CNTNAP5: variants seen among roughly 807,000 people sequenced by gnomAD.
CNTNAP5 encodes the protein contactin-associated protein-like 5.
Under a neutral mutation model 150.2 loss-of-function variants are expected in CNTNAP5, and 72 were observed. The observed-to-expected ratio is 0.48, with a 90% CI of 0.40 to 0.58. The LOEUF is 0.58. Ranked by LOEUF, CNTNAP5 falls within the 20% of genes least tolerant of loss-of-function variation. The probability of loss-of-function intolerance (pLI) is 0.00; values close to 1 mark genes in which losing one functional copy is unlikely to be tolerated. For missense variants in CNTNAP5, 1,636 were observed against 1,626.2 expected, an observed-to-expected ratio of 1.01 and a Z score of -0.10; for synonymous variants, 672 against 619.8, an observed-to-expected ratio of 1.08 and a Z score of -1.25.
chr2:124,246,247 C>T (rs185920905), intron 3 of CNTNAP5, among the ~76,000 whole-genome samples: 59 of 152,228 alleles, frequency 3.9e-4, no homozygotes, highest in African/African-American at 1.4e-3. Context: ...TAAAAGGATA[C>T]CTTTGCAATG....
intron 3 of CNTNAP5, among the ~76,000 whole-genome samples, chr2:124,398,033 T>C (rs1398732230): frequency 6.6e-6 from 1 of 152,242 alleles, no homozygotes; most frequent in Non-Finnish European, 1.5e-5. Flanking sequence ...AGCAGAAATT[T>C]CCTTTAGTGC....
At chr2:124,245,784 C>T (rs1359961177) in intron 3 of CNTNAP5, among the ~76,000 whole-genome samples, 4 of 151,834 alleles carry the variant, frequency 2.6e-5, no homozygotes, top group Admixed American at 6.6e-5. Flanking sequence ...GGCTGGAGTG[C>T]GGTGGCACTT....
intron 3 of CNTNAP5, among the ~76,000 whole-genome samples, chr2:124,262,133 T>C (rs944828313): frequency 1.3e-5 from 2 of 151,970 alleles, no homozygotes; most frequent in African/African-American, 4.8e-5. Context: ...TAGTCTGAGC[T>C]ACTCTGGAGG....
intron 1 of CNTNAP5, among the ~76,000 whole-genome samples, chr2:124,153,536 C>T (rs544020547): frequency 2.0e-5 from 3 of 150,028 alleles, no homozygotes; most frequent in East Asian, 2.0e-4. Context: ...GCCTGCTTCT[C>T]GGTTCATAGA....
intron 13 of CNTNAP5, among the ~76,000 whole-genome samples, chr2:124,670,549 T>G (rs111412753): frequency 1.3e-5 from 2 of 152,218 alleles, no homozygotes; most frequent in African/African-American, 4.8e-5. Context: ...GATGTAAAGT[T>G]TCTAATTTTG....
intron 12 of CNTNAP5, among the ~76,000 whole-genome samples, chr2:124,620,486 C>T (rs1245743407): frequency 6.6e-6 from 1 of 152,074 alleles, no homozygotes; most frequent in Non-Finnish European, 1.5e-5. Context: ...TTCCTTCAAA[C>T]ATAGAAATGA....
chr2:124,874,313 T>G lies in CNTNAP5; in HGVS notation c.3436+4551T>G, dbSNP rs528230302. ...GCACATATTTAGGGAAGTAATCCAT[T>G]TGGAAGAGATAATGTTTCTGGAAAC... On this transcript the variant is annotated intron_variant, in intron 21 of 23. Coordinates refer to ENST00000682447, the MANE Select transcript of CNTNAP5 (RefSeq NM_001367498.1). Among the ~76,000 whole-genome samples, 4 of 152,166 alleles carry G rather than the reference T, an allele frequency of 2.6e-5. 1 individual carries two copies. The highest frequency in any genetic ancestry group is 9.6e-5 in the African/African-American group (4 of 41,544).
chr2:124,166,404 T>C (rs1024445538), intron 1 of CNTNAP5, among the ~76,000 whole-genome samples: 1 of 152,166 alleles, frequency 6.6e-6, no homozygotes, highest in African/African-American at 2.4e-5. Context: ...CTTAAGTACA[T>C]TGAGATTTAA....
rs533393132 is a variant in CNTNAP5 at position 124,735,557 on chromosome 2, G to A, written c.2078-11672G>A. 1.1e-3 allele frequency among the ~76,000 whole-genome samples: 163 copies of A among 152,146 alleles called. 2 individuals are homozygous for A. Among genetic ancestry groups the A allele is most frequent in the African/African-American group, 3.8e-3 (157 of 41,528 alleles). ...GAGGATACATACTCAATAATGATCTGTAGTTTTACCAATGTAATGATTATT... is the reference window on the plus strand; with the variant it reads ...GAGGATACATACTCAATAATGATCTATAGTTTTACCAATGTAATGATTATT... On this transcript the variant is annotated intron_variant, in intron 13 of 23. Transcript: ENST00000682447.
chr2:124,324,030 G>T (rs1689160461), intron 3 of CNTNAP5, among the ~76,000 whole-genome samples: 1 of 152,074 alleles, frequency 6.6e-6, no homozygotes, highest in Non-Finnish European at 1.5e-5. Context: ...GAAAAAAAGA[G>T]CCAAAAATAC....
At position 124,706,916 on chromosome 2, in the gene CNTNAP5, G is replaced by GAGAAGAAGAAGAAGA. The variant is rs796272013; in HGVS notation, c.2078-40301_2078-40287dup. On this transcript the variant is annotated intron_variant, in intron 13 of 23. Transcript: ENST00000682447. ...GAGGAAGAAGAAGGAGGAGGAGGAG[G>GAGAAGAAGAAGAAGA]AGAAGAAGAAGAAGAAGAAGAAGAA... Among the ~76,000 whole-genome samples the GAGAAGAAGAAGAAGA allele has an allele frequency of 3.7e-4, 11 of 30,028 alleles. 1 individual carries two copies. Among genetic ancestry groups the GAGAAGAAGAAGAAGA allele is most frequent in the African/African-American group, 1.4e-3 (11 of 7,694 alleles). 19.7% of individuals were successfully genotyped at this position (30,028 alleles called of 152,430 possible).
At position 124,798,296 on chromosome 2, in the gene CNTNAP5, G is replaced by A. The variant is rs778075383; in HGVS notation, c.3193G>A (p.Val1065Met). Residue 1065 changes from valine (V) to methionine (M), a missense_variant, in exon 19 of 24, where the codon GTG becomes ATG. Physicochemically the swap from Val to Met is conservative, Grantham distance 21 (BLOSUM62 1). Transcript: ENST00000682447. ...LFINSSSQDF[V>M]VVLLCKNGSL... ...TATCAATTCTTCTTCTCAGGACTTCGTGGTTGTTCTGCTCTGCAAGAATGG... is the reference window on the plus strand; with the variant it reads ...TATCAATTCTTCTTCTCAGGACTTCATGGTTGTTCTGCTCTGCAAGAATGG... 2.6e-5 allele frequency: 42 copies of A among 1,613,226 alleles called. No homozygotes were observed. The Middle Eastern group carries it at 1.3e-3, about 51-fold the overall frequency.
chr2:124,524,236 T>G, intron 8 of CNTNAP5, 67 bp from the exon 9 acceptor site: 2 of 1,541,796 alleles, frequency 1.3e-6, no homozygotes, highest in Non-Finnish European at 1.8e-6. Context: ...GGCTGGGAAA[T>G]GAGCCCCCTC....
chr2:124,466,220 G>A (rs79042706), intron 6 of CNTNAP5, among the ~76,000 whole-genome samples: 19,945 of 151,862 alleles, frequency 0.13, 1,660 homozygotes, highest in Non-Finnish European at 0.19. Context: ...AAATCCTTCA[G>A]CAGAATAGTG....
intron 1 of CNTNAP5, among the ~76,000 whole-genome samples, chr2:124,130,219 G>C (rs1683812617): frequency 6.6e-6 from 1 of 151,946 alleles, no homozygotes. Context: ...CTTTGTTTTA[G>C]TGTTTAATTT....
At chr2:124,343,208 T>C (rs1174242381) in intron 3 of CNTNAP5, among the ~76,000 whole-genome samples, 2 of 152,164 alleles carry the variant, frequency 1.3e-5, no homozygotes, top group African/African-American at 4.8e-5. Flanking sequence ...ATACAATAAT[T>C]AAATGTAATA....
intron 13 of CNTNAP5, among the ~76,000 whole-genome samples, chr2:124,743,006 A>G (rs937461985): frequency 6.6e-6 from 1 of 152,196 alleles, no homozygotes; most frequent in Non-Finnish European, 1.5e-5. Context: ...AGCACAGTGC[A>G]TAACGCAGAC....
Position 124,865,325 on chromosome 2 carries a change from T to C in CNTNAP5, c.3237T>C (p.Tyr1079=). 2 of 1,564,148 alleles carry C rather than the reference T, an allele frequency of 1.3e-6. No individual in the cohort carries two copies. The highest frequency in any genetic ancestry group is 1.7e-6 in the Non-Finnish European group (2 of 1,152,866). The part of the protein sequence containing the change: ...LCKNGSLQVR[Y]HLNKEETHVF... Reference sequence around the variant, plus strand: ...TTCAAGGAAGCTTACAGGTTCGCTATCACCTAAACAAGGAAGAAACCCATG... The same window carrying C: ...TTCAAGGAAGCTTACAGGTTCGCTACCACCTAAACAAGGAAGAAACCCATG... Residue 1079 remains tyrosine (Y), a synonymous_variant, in exon 20 of 24, where the codon TAT becomes TAC. Transcript: ENST00000682447.
intron 21 of CNTNAP5, among the ~76,000 whole-genome samples, chr2:124,896,292 C>T (rs1326771392): frequency 1.3e-5 from 2 of 151,436 alleles, no homozygotes; most frequent in South Asian, 2.1e-4. Flanking sequence ...CACACACATA[C>T]ATGAATGTCA....
Sources: allele counts gnomAD v4.1 joint callset (sites outside exome capture counted in the v4.1 genomes callset), GRCh38; gene constraint gnomAD v4.1.1; transcripts MANE v1.5; gene names NCBI Gene and HGNC (gene_info 2026-07-23, HGNC 2026-07-21).